Variants in KCNH5 observed in about 807,000 individuals in gnomAD.
KCNH5 encodes the protein potassium voltage-gated channel subfamily H member 5.
In KCNH5, 46 loss-of-function variants were observed where a neutral mutation model predicts 96.1. That is an observed-to-expected ratio of 0.48 (90% CI 0.38 to 0.61). The LOEUF (loss-of-function observed/expected upper bound fraction) is 0.61. Among genes scored for constraint, KCNH5 ranks in the 20% least tolerant of loss-of-function variants. The pLI, the probability that KCNH5 is intolerant of heterozygous loss-of-function variation, is 0.00. For missense variants in KCNH5, 907 were observed against 1,225.8 expected (o/e 0.74, Z 3.88); for synonymous variants, 439 against 449.8 (o/e 0.98, Z 0.30).
Position 63,045,353 on chromosome 14 carries a change from G to A in KCNH5, c.-167C>T, listed in dbSNP as rs1427243933. 1.6e-6 allele frequency: 1 copy of A among 640,566 alleles called. No individual in the cohort carries two copies. The highest frequency in any genetic ancestry group is 1.8e-5 in the African/African-American group (1 of 55,698). The allele number at this position is 640,566 out of a possible 1,614,324, so 39.7% of individuals were successfully genotyped here. On this transcript the variant is annotated 5_prime_UTR_variant, in exon 1 of 11. Transcript: ENST00000322893. ...CTGACTGTGTCTCCAGCCCGACCCG[G>A]ATGAGCAGCTCTGGGGAGGAGGACC...
chr14:63,019,347 A>G (rs956411421), intron 1 of KCNH5, among the ~76,000 whole-genome samples: 2 of 152,080 alleles, frequency 1.3e-5, no homozygotes, highest in Non-Finnish European at 2.9e-5. Flanking sequence ...TTGAAAAATT[A>G]TAAAAGTTTG....
Position 62,802,392 on chromosome 14 carries a change from G to T in KCNH5, c.1759C>A (p.Leu587Ile), listed in dbSNP as rs1359492714. 6.2e-7 allele frequency: 1 copy of T among 1,614,110 alleles called. No individual in the cohort carries two copies. Residue 587 changes from leucine (L) to isoleucine (I), a missense_variant, in exon 9 of 11, where the codon CTC becomes ATC. Around this residue, in one of 6 missense-constraint regions of KCNH5, gnomAD observed 20 missense variants for 57.9 expected, o/e 0.35. Coordinates refer to ENST00000322893, the MANE Select transcript of KCNH5 (RefSeq NM_139318.5). ...AAGGATCCTGACACCACAAAGCAGA[G>T]GGCATCCACACTTTCTCCAGCATGG... Reference protein sequence around the residue: ...IYHAGESVDALCFVVSGSLEV... With the variant: ...IYHAGESVDAICFVVSGSLEV...
intron 7 of KCNH5, among the ~76,000 whole-genome samples, chr14:62,880,282 C>T (rs919387774): frequency 3.3e-5 from 5 of 152,146 alleles, no homozygotes; most frequent in Non-Finnish European, 7.4e-5. Flanking sequence ...AGCTATAAAT[C>T]CTATTCTTTT....
At chr14:62,998,140 A>C (rs1456812211) in intron 4 of KCNH5, among the ~76,000 whole-genome samples, 1 of 152,112 alleles carries the variant, frequency 6.6e-6, no homozygotes, top group Non-Finnish European at 1.5e-5. Flanking sequence ...AAGATTATTA[A>C]TTATTGTTAA....
chr14:62,844,231 G>T (rs1887646844), intron 8 of KCNH5, among the ~76,000 whole-genome samples: 1 of 151,000 alleles, frequency 6.6e-6, no homozygotes, highest in South Asian at 2.1e-4. Context: ...CAAGCTACAT[G>T]TTAGAGAAAA....
rs146330084 is a variant in KCNH5, at chr14:62,711,914, G to A, written c.2020-3459C>T. Among the ~76,000 whole-genome samples the A allele has an allele frequency of 3.5e-3, 538 of 152,256 alleles. 4 individuals are homozygous for A. The highest frequency in any genetic ancestry group is 0.027 in the Middle Eastern group (8 of 294). On this transcript the variant is annotated intron_variant, in intron 10 of 10. Transcript: ENST00000322893. ...CACACATAAAGAGAGCCAGCAGTTGGACGTGACTAGCTCAAAAGCCAACAC... is the reference window on the plus strand; with the variant it reads ...CACACATAAAGAGAGCCAGCAGTTGAACGTGACTAGCTCAAAAGCCAACAC...
chr14:62,872,343 A>C (rs1888274109), intron 7 of KCNH5, among the ~76,000 whole-genome samples: 1 of 152,246 alleles, frequency 6.6e-6, no homozygotes, highest in Admixed American at 6.5e-5. Flanking sequence ...TTAAGGAGCA[A>C]GAATTAAAGT....
intron 7 of KCNH5, among the ~76,000 whole-genome samples, chr14:62,879,164 C>G (rs1361596988): frequency 6.6e-6 from 1 of 152,140 alleles, no homozygotes; most frequent in African/African-American, 2.4e-5. Flanking sequence ...CATTTAGATA[C>G]TACTACATGC....
intron 7 of KCNH5, among the ~76,000 whole-genome samples, chr14:62,867,695 C>T (rs181530136): frequency 2.2e-4 from 33 of 152,230 alleles, no homozygotes; most frequent in African/African-American, 7.7e-4. Flanking sequence ...TAGAATAAAA[C>T]CAAAGGCTGC....
chr14:62,984,514 AAG>A (rs1890668361), intron 5 of KCNH5, among the ~76,000 whole-genome samples: 1 of 152,204 alleles, frequency 6.6e-6, no homozygotes, highest in South Asian at 2.1e-4. Context: ...AGCAAATTAC[AAG>A]AGTTTTGAGT....
At chr14:62,952,357 T>C (rs1319822853) in intron 6 of KCNH5, among the ~76,000 whole-genome samples, 2 of 152,170 alleles carry the variant, frequency 1.3e-5, no homozygotes, top group Non-Finnish European at 2.9e-5. Context: ...TTGGAAGGCT[T>C]GAAAGCTTTC....
At chr14:62,946,048 T>G (rs1335795681) in intron 7 of KCNH5, among the ~76,000 whole-genome samples, 1 of 151,942 alleles carries the variant, frequency 6.6e-6, no homozygotes, top group African/African-American at 2.4e-5. Context: ...GGATAGAGAT[T>G]GTAGGGCAAG....
intron 9 of KCNH5, among the ~76,000 whole-genome samples, chr14:62,781,422 C>A (rs148893892): frequency 6.6e-6 from 1 of 152,126 alleles, no homozygotes; most frequent in Non-Finnish European, 1.5e-5. Flanking sequence ...TGAGATCAAC[C>A]GGTCTGACCA....
intron 7 of KCNH5, among the ~76,000 whole-genome samples, chr14:62,902,765 G>T (rs948257138): frequency 6.6e-6 from 1 of 151,606 alleles, no homozygotes; most frequent in Non-Finnish European, 1.5e-5. Context: ...TGTCATGCGG[G>T]CTGGAGTGCA....
intron 7 of KCNH5, among the ~76,000 whole-genome samples, chr14:62,850,117 A>G (rs1887775412): frequency 6.6e-6 from 1 of 152,158 alleles, no homozygotes; most frequent in Non-Finnish European, 1.5e-5. Flanking sequence ...GAATCAGATG[A>G]TCCAAAGTTA....
chr14:62,799,230 A>G (rs977355105), intron 9 of KCNH5, among the ~76,000 whole-genome samples: 5 of 152,160 alleles, frequency 3.3e-5, no homozygotes, highest in Non-Finnish European at 5.9e-5. Flanking sequence ...CGCATGAATG[A>G]TAAGATATGT....
intron 2 of KCNH5, among the ~76,000 whole-genome samples, chr14:63,011,116 G>C (rs1891217010): frequency 6.6e-6 from 1 of 152,172 alleles, no homozygotes; most frequent in Admixed American, 6.6e-5. Flanking sequence ...GGTGGACTGA[G>C]ATCTACAGTC....
chr14:62,952,109 T>C (rs1052796195), intron 6 of KCNH5, among the ~76,000 whole-genome samples: 5 of 152,146 alleles, frequency 3.3e-5, no homozygotes, highest in Non-Finnish European at 7.4e-5. Context: ...AGAGTCCCTA[T>C]AGAAACAAAG....
intron 7 of KCNH5, among the ~76,000 whole-genome samples, chr14:62,912,598 G>A (rs1217780279): frequency 6.6e-6 from 1 of 151,996 alleles, no homozygotes. Flanking sequence ...GTAGAGACGG[G>A]GTTTCACCAT....
Sources: allele counts gnomAD v4.1 joint callset (sites outside exome capture counted in the v4.1 genomes callset), GRCh38; gene constraint gnomAD v4.1.1; regional missense constraint gnomAD v4.1.1; transcripts MANE v1.5; gene names NCBI Gene and HGNC (gene_info 2026-07-23, HGNC 2026-07-21).